The following KSR2 variants were observed in gnomAD, a reference collection of about 807,000 sequenced individuals.
The protein encoded by KSR2 is kinase suppressor of ras 2.
KSR2 carries 25 observed loss-of-function variants against 107.8 expected under a neutral mutation model. That is an observed-to-expected ratio of 0.23 (90% CI 0.17 to 0.32). The LOEUF is 0.32. Ranked by LOEUF, KSR2 falls within the 10% of genes least tolerant of loss-of-function variation. KSR2 has a pLI of 1.00. For missense variants in KSR2, 887 were observed against 1,268.9 expected, an observed-to-expected ratio of 0.70 and a Z score of 4.57; for synonymous variants, 480 against 507.0, an observed-to-expected ratio of 0.95 and a Z score of 0.71.
At chr12:117,872,826 C>T (rs1292967725) in intron 1 of KSR2, among the ~76,000 whole-genome samples, 2 of 152,206 alleles carry the variant, frequency 1.3e-5, no homozygotes, top group African/African-American at 2.4e-5. Flanking sequence ...GCACCCTCAA[C>T]AATCAGTCCC....
At chr12:117,762,678 A>G (rs1889082094) in intron 3 of KSR2, among the ~76,000 whole-genome samples, 1 of 152,154 alleles carries the variant, frequency 6.6e-6, no homozygotes, top group Non-Finnish European at 1.5e-5. Context: ...CAGCCTGGCC[A>G]ACATGGTGAA....
At chr12:117,947,211 A>AAGAAAGAAAGAAAGAAAGAAAGAAAG (rs1896217172) in intron 1 of KSR2, among the ~76,000 whole-genome samples, 1 of 87,136 alleles carries the variant, frequency 1.1e-5, no homozygotes, top group African/African-American at 5.2e-5. Flanking sequence ...AAAGAAAAGA[A>AAGAAAGAAAGAAAGAAAGAAAGAAAG]AGAAAGAAAG....
chr12:117,670,871 T>C (rs1182361993), intron 4 of KSR2, among the ~76,000 whole-genome samples: 2 of 152,144 alleles, frequency 1.3e-5, no homozygotes, highest in African/African-American at 4.8e-5. Flanking sequence ...CTCCTCCACC[T>C]GGTGAACCCC....
rs148626698 is a variant in KSR2, at chr12:117,877,292, G to A, written c.181-16861C>T. On this transcript the variant is annotated intron_variant, in intron 1 of 19. Coordinates refer to ENST00000339824, the MANE Select transcript of KSR2 (RefSeq NM_173598.6). ...GTGGAGGTTGCAGTGAGCCAAGATCGCACCACTGCACTCCAGCCTGGGTGA... is the reference window on the plus strand; with the variant it reads ...GTGGAGGTTGCAGTGAGCCAAGATCACACCACTGCACTCCAGCCTGGGTGA... Among the ~76,000 whole-genome samples, 37 of 152,102 alleles carry A rather than the reference G, an allele frequency of 2.4e-4. 1 individual carries two copies. The highest frequency in any genetic ancestry group is 9.8e-4 in the Admixed American group (15 of 15,272).
At chr12:117,532,833 G>A (rs1311541501) in intron 10 of KSR2, among the ~76,000 whole-genome samples, 1 of 152,118 alleles carries the variant, frequency 6.6e-6, no homozygotes, top group Non-Finnish European at 1.5e-5. Flanking sequence ...AAATGAAGAG[G>A]GCAGGGATAT....
intron 7 of KSR2, among the ~76,000 whole-genome samples, chr12:117,570,229 C>T (rs747320357): frequency 6.6e-6 from 1 of 152,144 alleles, no homozygotes; most frequent in Non-Finnish European, 1.5e-5. Flanking sequence ...GTCTCAATCT[C>T]CTGACCTTGT....
chr12:117,466,314 C>G lies in KSR2; in HGVS notation c.*885G>C, dbSNP rs536369432. 1 of 152,082 alleles carries G rather than the reference C, an allele frequency of 6.6e-6. No homozygotes were observed. The highest frequency in any genetic ancestry group is 6.6e-5 in the Admixed American group (1 of 15,264). The allele number at this position is 152,082 out of a possible 1,614,324, so 9.4% of individuals were successfully genotyped here. ...TGTCCTAGAACTCCCTGCCCAGAGC[C>G]CTGATTCTCAGGGACCAGACTTCAG... On this transcript the variant is annotated 3_prime_UTR_variant, in exon 20 of 20. Coordinates refer to ENST00000339824, the MANE Select transcript of KSR2 (RefSeq NM_173598.6).
chr12:117,549,954 GAA>G (rs1877176318), intron 9 of KSR2, among the ~76,000 whole-genome samples: 1 of 152,180 alleles, frequency 6.6e-6, no homozygotes, highest in East Asian at 1.9e-4. Flanking sequence ...CAACAGGAGG[GAA>G]AATCTCTTCT....
intron 5 of KSR2, among the ~76,000 whole-genome samples, chr12:117,617,641 GTAAAGTAATCTA>G (rs1476492143): frequency 6.6e-6 from 1 of 152,206 alleles, no homozygotes; most frequent in Non-Finnish European, 1.5e-5. Context: ...TCCAGAAAAT[GTAAAGTAATCTA>G]TAGTGATAGA....
intron 1 of KSR2, among the ~76,000 whole-genome samples, chr12:117,874,366 A>G (rs1893759143): frequency 6.6e-6 from 1 of 152,034 alleles, no homozygotes; most frequent in African/African-American, 2.4e-5. Flanking sequence ...CCAAGTAGCT[A>G]GGACCACAAG....
chr12:117,733,235 C>T (rs1342459488), intron 4 of KSR2, among the ~76,000 whole-genome samples: 1 of 152,146 alleles, frequency 6.6e-6, no homozygotes, highest in Non-Finnish European at 1.5e-5. Context: ...CCTTCCTAAC[C>T]CTCCTGTCAC....
At chr12:117,656,151 AC>A (rs557222012) in intron 5 of KSR2, among the ~76,000 whole-genome samples, 133 of 152,348 alleles carry the variant, frequency 8.7e-4, no homozygotes, top group African/African-American at 3.0e-3. Flanking sequence ...TTTGTTAAAC[AC>A]ATGTTTGTGT....
chr12:117,942,780 A>G (rs1896050592), intron 1 of KSR2, among the ~76,000 whole-genome samples: 1 of 151,888 alleles, frequency 6.6e-6, no homozygotes, highest in Admixed American at 6.6e-5. Context: ...GATTACAGGC[A>G]TGAACTACCC....
intron 4 of KSR2, among the ~76,000 whole-genome samples, chr12:117,728,938 C>T (rs1052065931): frequency 6.6e-6 from 1 of 152,204 alleles, no homozygotes; most frequent in Non-Finnish European, 1.5e-5. Context: ...ATCTCTTCAT[C>T]TGACAAATGG....
intron 3 of KSR2, among the ~76,000 whole-genome samples, chr12:117,766,296 A>T (rs1446428): frequency 0.045 from 6,907 of 152,350 alleles, 221 homozygotes; most frequent in Non-Finnish European, 0.065. Context: ...TCAGACACAA[A>T]GGGTCATATA....
chr12:117,736,812 C>CAA (rs759133206), intron 4 of KSR2, among the ~76,000 whole-genome samples: 3 of 80,256 alleles, frequency 3.7e-5, no homozygotes, highest in Non-Finnish European at 8.1e-5. Flanking sequence ...GACCCTGTCT[C>CAA]AAAAAAAAAA....
intron 9 of KSR2, among the ~76,000 whole-genome samples, chr12:117,549,041 C>G (rs1877090435): frequency 6.6e-6 from 1 of 152,210 alleles, no homozygotes; most frequent in South Asian, 2.1e-4. Flanking sequence ...CAAGGTTATG[C>G]TGTAGTTCAT....
At chr12:117,511,709 A>G (rs546328862) in intron 14 of KSR2, among the ~76,000 whole-genome samples, 2 of 152,352 alleles carry the variant, frequency 1.3e-5, no homozygotes, top group South Asian at 4.1e-4. Flanking sequence ...CCATTTCACA[A>G]GGAAGCCCTC....
intron 5 of KSR2, among the ~76,000 whole-genome samples, chr12:117,650,869 CTGAG>C (rs1883875889): frequency 6.6e-6 from 1 of 152,280 alleles, no homozygotes; most frequent in South Asian, 2.1e-4. Flanking sequence ...TAAGATTGCC[CTGAG>C]TGAGTCTTAT....
Sources: gnomAD v4.1 joint callset for allele counts (sites outside exome capture counted in the v4.1 genomes callset) on GRCh38, gnomAD v4.1.1 for gene constraint, MANE v1.5 for transcripts, NCBI Gene and HGNC (gene_info 2026-07-23, HGNC 2026-07-21) for gene names.